Variants in NCOA1 observed in about 807,000 individuals in gnomAD.
NCOA1 encodes Hin-2 protein.
Under a neutral mutation model 150.9 loss-of-function variants are expected in NCOA1, and 35 were observed. The observed-to-expected ratio is 0.23, with a 90% confidence interval of 0.18 to 0.31. The LOEUF is 0.31. NCOA1 is among the 10% of genes least tolerant of loss of function. The pLI, the probability that NCOA1 is intolerant of heterozygous loss-of-function variation, is 1.00. For missense variants in NCOA1, 1,491 were observed against 1,749.3 expected, an observed-to-expected ratio of 0.85 and a Z score of 2.63; for synonymous variants, 590 against 630.0, an observed-to-expected ratio of 0.94 and a Z score of 0.95.
chr2:24,715,287 A>G (rs957731218), intron 14 of NCOA1, among the ~76,000 whole-genome samples: 6 of 152,332 alleles, frequency 3.9e-5, no homozygotes, highest in Middle Eastern at 3.4e-3. Flanking sequence ...TAAATGAAAA[A>G]TAACTGTTTA....
chr2:24,529,866 C>G (rs1359173266), intron 1 of NCOA1, among the ~76,000 whole-genome samples: 1 of 152,104 alleles, frequency 6.6e-6, no homozygotes, highest in Non-Finnish European at 1.5e-5. Context: ...ATGATATAAC[C>G]TAAACTCTTA....
chr2:24,716,251 T>TA (rs70947839), intron 14 of NCOA1, among the ~76,000 whole-genome samples: 124 of 141,792 alleles, frequency 8.7e-4, no homozygotes, highest in African/African-American at 2.1e-3. Flanking sequence ...AAAAACCACT[T>TA]AAAAAAAAAA....
chr2:24,709,995 C>G (rs886720153), intron 13 of NCOA1, among the ~76,000 whole-genome samples: 1 of 152,060 alleles, frequency 6.6e-6, no homozygotes, highest in African/African-American at 2.4e-5. Flanking sequence ...CATAGTATAG[C>G]AATATTGTGA....
chr2:24,703,979 A>G (rs1356109698), intron 11 of NCOA1, among the ~76,000 whole-genome samples: 2 of 152,174 alleles, frequency 1.3e-5, no homozygotes, highest in African/African-American at 4.8e-5. Context: ...TTATTACATA[A>G]TAGTCTGGCA....
chr2:24,707,151 C>T lies in NCOA1; in HGVS notation c.1681C>T (p.Leu561Phe). The T allele has an allele frequency of 6.2e-7, 1 of 1,614,162 alleles. No individual in the cohort carries two copies. Among genetic ancestry groups the T allele is most frequent in the Non-Finnish European group, 8.5e-7 (1 of 1,180,028 alleles). Reference sequence around the variant, plus strand: ...TGGCTTCTCTGCCAGTTCTCCAGTCCTCAGGCAGATGAGCTCACAGAATTC... The same window carrying T: ...TGGCTTCTCTGCCAGTTCTCCAGTCTTCAGGCAGATGAGCTCACAGAATTC... ...SVGFSASSPV[L>F]RQMSSQNSPS... The change falls in exon 13 of 23, where the codon CTC becomes TTC. Residue 561 changes from leucine to phenylalanine, a missense_variant. Leu to Phe is a conservative substitution (Grantham distance 22). This residue lies in a region of NCOA1 where 703 missense variants were observed against 717.7 expected (regional missense o/e 0.98). Coordinates refer to ENST00000348332, the MANE Select transcript of NCOA1 (RefSeq NM_003743.5).
At chr2:24,762,911 T>C in intron 22 of NCOA1, 135 bp downstream of exon 22, 1 of 744,808 alleles carries the variant, frequency 1.3e-6, no homozygotes, top group Non-Finnish European at 2.3e-6. Flanking sequence ...TTCTTAGCTG[T>C]GTCGTCCTGG....
At chr2:24,762,243 A>G (rs1664826500) in intron 21 of NCOA1, among the ~76,000 whole-genome samples, 1 of 152,090 alleles carries the variant, frequency 6.6e-6, no homozygotes, top group Non-Finnish European at 1.5e-5. Context: ...CCTTTTTTTC[A>G]CATATTTTGT....
At chr2:24,532,105 C>G (rs1664925786) in intron 1 of NCOA1, among the ~76,000 whole-genome samples, 1 of 152,200 alleles carries the variant, frequency 6.6e-6, no homozygotes, top group South Asian at 2.1e-4. Context: ...TCTCCACATC[C>G]TCTCCAGCAT....
intron 2 of NCOA1, among the ~76,000 whole-genome samples, chr2:24,570,850 A>G (rs147146781): frequency 8.4e-4 from 128 of 152,352 alleles, no homozygotes; most frequent in African/African-American, 2.9e-3. Flanking sequence ...CTTGTTTTTC[A>G]ACGAGCAAAT....
intron 22 of NCOA1, among the ~76,000 whole-genome samples, chr2:24,763,812 G>T (rs1664916940): frequency 6.6e-6 from 1 of 151,728 alleles, no homozygotes; most frequent in Non-Finnish European, 1.5e-5. Flanking sequence ...AGTAGAGACA[G>T]GTTTTCGCCA....
At chr2:24,525,309 A>G (rs1280092331) in intron 1 of NCOA1, among the ~76,000 whole-genome samples, 1 of 152,176 alleles carries the variant, frequency 6.6e-6, no homozygotes, top group Non-Finnish European at 1.5e-5. Flanking sequence ...TTGAATTTGG[A>G]AAAGATAAAA....
At chr2:24,764,961 C>A (rs930751570) in intron 22 of NCOA1, among the ~76,000 whole-genome samples, 3 of 152,160 alleles carry the variant, frequency 2.0e-5, no homozygotes, top group Non-Finnish European at 2.9e-5. Flanking sequence ...GCAGGCAAAT[C>A]ATTTGAGGTC....
intron 8 of NCOA1, among the ~76,000 whole-genome samples, chr2:24,688,686 C>T (rs759644473): frequency 1.1e-4 from 16 of 152,182 alleles, no homozygotes; most frequent in African/African-American, 3.1e-4. Context: ...ATATTTTCTC[C>T]GATTCTGTAG....
chr2:24,708,772 C>T (rs1395468658), intron 13 of NCOA1, among the ~76,000 whole-genome samples: 4 of 152,204 alleles, frequency 2.6e-5, no homozygotes, highest in Non-Finnish European at 1.5e-5. Flanking sequence ...GCTTAGTTTT[C>T]TGCTCTCATT....
chr2:24,639,916 G>GTATGTATATA (rs1558864239), intron 3 of NCOA1, among the ~76,000 whole-genome samples: 2 of 29,732 alleles, frequency 6.7e-5, no homozygotes, highest in Non-Finnish European at 1.1e-4. Flanking sequence ...ATGTGTGTGT[G>GTATGTATATA]TATATATATA....
At chr2:24,504,944 A>G (rs534342987) in intron 1 of NCOA1, among the ~76,000 whole-genome samples, 1 of 152,188 alleles carries the variant, frequency 6.6e-6, no homozygotes, top group African/African-American at 2.4e-5. Flanking sequence ...ATTGCTAATT[A>G]ATTAAAACCT....
At chr2:24,678,500 C>T (rs911935341) in intron 7 of NCOA1, among the ~76,000 whole-genome samples, 1 of 152,188 alleles carries the variant, frequency 6.6e-6, no homozygotes, top group African/African-American at 2.4e-5. Flanking sequence ...TTTATACTCC[C>T]ACCAACAGTG....
chr2:24,569,812 G>A (rs1666666186), intron 2 of NCOA1, among the ~76,000 whole-genome samples: 1 of 149,794 alleles, frequency 6.7e-6, no homozygotes, highest in Non-Finnish European at 1.5e-5. Context: ...GGAGGTTGCA[G>A]TGAGCCAAGA....
At chr2:24,560,061 C>T (rs145972524) in intron 1 of NCOA1, among the ~76,000 whole-genome samples, 146 of 152,286 alleles carry the variant, frequency 9.6e-4, no homozygotes, top group African/African-American at 3.3e-3. Flanking sequence ...AGGGCTCTCT[C>T]TGGTTTCCTG....
Sources: gnomAD v4.1 joint callset for allele counts (sites outside exome capture counted in the v4.1 genomes callset) on GRCh38, gnomAD v4.1.1 for gene constraint, gnomAD v4.1.1 regional missense constraint, MANE v1.5 for transcripts, NCBI Gene and HGNC (gene_info 2026-07-23, HGNC 2026-07-21) for gene names.